SMYD3: variants seen among roughly 807,000 people sequenced by gnomAD.
SMYD3 encodes histone-lysine N-methyltransferase SMYD3.
In SMYD3, 36 loss-of-function variants were observed where a neutral mutation model predicts 57.7. That is an observed-to-expected ratio of 0.62 (90% CI 0.48 to 0.82). SMYD3 has a LOEUF of 0.82. Among genes scored for constraint, SMYD3 ranks in the 40% least tolerant of loss-of-function variants. The pLI is 0.00. For missense variants in SMYD3, 515 were observed against 538.8 expected (o/e 0.96, Z 0.44); for synonymous variants, 211 against 195.0 (o/e 1.08, Z -0.68).
At chr1:246,380,366 C>T (rs749985975) in intron 1 of SMYD3, among the ~76,000 whole-genome samples, 1 of 152,164 alleles carries the variant, frequency 6.6e-6, no homozygotes, top group Non-Finnish European at 1.5e-5. Context: ...AATTGATCAA[C>T]CTTGACTAAG....
At chr1:246,326,038 C>A in intron 5 of SMYD3, 1 of 201,012 alleles carries the variant, frequency 5.0e-6, no homozygotes, top group Admixed American at 5.8e-5. Context: ...TGACATTAAT[C>A]AGAAAATCAT....
chr1:246,192,488 C>G (rs983752521), intron 5 of SMYD3, among the ~76,000 whole-genome samples: 1 of 151,454 alleles, frequency 6.6e-6, no homozygotes, highest in Admixed American at 6.6e-5. Flanking sequence ...ACTCCTGGGC[C>G]GAAGCGATCC....
At chr1:245,801,142 C>G (rs1417066154) in intron 10 of SMYD3, among the ~76,000 whole-genome samples, 1 of 152,140 alleles carries the variant, frequency 6.6e-6, no homozygotes. Context: ...AGAATTCAAT[C>G]CTAAAGAAGT....
chr1:246,067,240 T>C (rs771367276), intron 5 of SMYD3, among the ~76,000 whole-genome samples: 2 of 152,234 alleles, frequency 1.3e-5, no homozygotes, highest in Non-Finnish European at 2.9e-5. Context: ...AGCAACTGTT[T>C]ACCTATTTCC....
chr1:246,043,305 G>A (rs1427469259), intron 5 of SMYD3, among the ~76,000 whole-genome samples: 1 of 152,202 alleles, frequency 6.6e-6, no homozygotes, highest in Non-Finnish European at 1.5e-5. Context: ...TGAGCACACA[G>A]TACTATGTAA....
chr1:245,936,591 T>C (rs188451551), intron 5 of SMYD3, among the ~76,000 whole-genome samples: 238 of 152,336 alleles, frequency 1.6e-3, no homozygotes, highest in Non-Finnish European at 2.1e-3. Flanking sequence ...TAATATTTCA[T>C]TTAAAAATTT....
chr1:245,832,881 A>G (rs1018819296), intron 10 of SMYD3, among the ~76,000 whole-genome samples: 7 of 152,096 alleles, frequency 4.6e-5, no homozygotes, highest in Non-Finnish European at 1.0e-4. Context: ...TGACTTTGCT[A>G]AGTGTCAGCT....
intron 5 of SMYD3, among the ~76,000 whole-genome samples, chr1:246,177,280 A>T (rs1057393497): frequency 2.6e-5 from 4 of 152,240 alleles, no homozygotes; most frequent in Non-Finnish European, 5.9e-5. Context: ...CTTAAATTAC[A>T]TGCCATCACT....
At chr1:246,086,234 G>A (rs2060718885) in intron 5 of SMYD3, among the ~76,000 whole-genome samples, 1 of 152,022 alleles carries the variant, frequency 6.6e-6, no homozygotes, top group Non-Finnish European at 1.5e-5. Flanking sequence ...GACCCTGTAT[G>A]GATTTTTGTC....
intron 8 of SMYD3, among the ~76,000 whole-genome samples, chr1:245,867,644 ATGCGCG>A (rs1319075041): frequency 6.9e-6 from 1 of 145,320 alleles, no homozygotes; most frequent in African/African-American, 2.6e-5. Context: ...AGATATGTGC[ATGCGCG>A]TGCGTGTGCG....
chr1:246,230,955 T>C (rs1257754410), intron 5 of SMYD3, among the ~76,000 whole-genome samples: 2 of 152,224 alleles, frequency 1.3e-5, no homozygotes, highest in Non-Finnish European at 2.9e-5. Flanking sequence ...GTAGTATCTC[T>C]CTCAGTTACT....
chr1:245,896,135 C>G (rs1045863891), intron 8 of SMYD3, among the ~76,000 whole-genome samples: 1 of 152,148 alleles, frequency 6.6e-6, no homozygotes, highest in African/African-American at 2.4e-5. Flanking sequence ...TATAGATCCC[C>G]TGCTCCACAG....
chr1:245,909,705 C>T (rs1312766479), intron 8 of SMYD3, among the ~76,000 whole-genome samples: 1 of 151,788 alleles, frequency 6.6e-6, no homozygotes, highest in Non-Finnish European at 1.5e-5. Context: ...GAATCAATGA[C>T]AAAACCATAT....
intron 1 of SMYD3, among the ~76,000 whole-genome samples, chr1:246,457,152 C>T (rs2067710333): frequency 6.6e-6 from 1 of 152,106 alleles, no homozygotes; most frequent in Non-Finnish European, 1.5e-5. Context: ...TTCAGGCTAA[C>T]ACTGACCACA....
chr1:246,038,586 C>G (rs1195445537), intron 5 of SMYD3, among the ~76,000 whole-genome samples: 2 of 152,104 alleles, frequency 1.3e-5, no homozygotes, highest in Admixed American at 1.3e-4. Context: ...CGAATCCTAT[C>G]AAAAGAAAAT....
At chr1:246,475,246 T>C (rs962018560) in intron 1 of SMYD3, among the ~76,000 whole-genome samples, 2 of 151,588 alleles carry the variant, frequency 1.3e-5, no homozygotes, top group South Asian at 2.1e-4. Context: ...GGAGAACTGC[T>C]TGAACCCGGA....
At chr1:245,830,027 A>G (rs2148377698) in intron 10 of SMYD3, among the ~76,000 whole-genome samples, 1 of 152,272 alleles carries the variant, frequency 6.6e-6, no homozygotes, top group Admixed American at 6.5e-5. Context: ...ATGTTCTAAA[A>G]TTGATTGTGG....
At chr1:246,112,260 A>G (rs899851336) in intron 5 of SMYD3, among the ~76,000 whole-genome samples, 2 of 152,230 alleles carry the variant, frequency 1.3e-5, no homozygotes, top group Non-Finnish European at 2.9e-5. Context: ...ACCACACAGA[A>G]GGAGAAGCCA....
intron 2 of SMYD3, among the ~76,000 whole-genome samples, chr1:246,346,177 G>A (rs952342664): frequency 5.2e-4 from 79 of 152,174 alleles, no homozygotes; most frequent in African/African-American, 1.8e-3. Flanking sequence ...CCAGCTCCTC[G>A]GGAGGCTGAG....
Sources: gnomAD v4.1 joint callset for allele counts (sites outside exome capture counted in the v4.1 genomes callset) on GRCh38, gnomAD v4.1.1 for gene constraint, MANE v1.5 for transcripts, NCBI Gene and HGNC (gene_info 2026-07-23, HGNC 2026-07-21) for gene names.